Variants in SLC11A2 observed in about 807,000 individuals in gnomAD.
SLC11A2 encodes the protein natural resistance-associated macrophage protein 2.
Under a neutral mutation model 68.0 loss-of-function variants are expected in SLC11A2, and 38 were observed. The ratio of observed to expected loss-of-function variants is 0.56; its 90% CI spans 0.43 to 0.73. The LOEUF (loss-of-function observed/expected upper bound fraction) is 0.73. Among genes scored for constraint, SLC11A2 ranks in the 30% least tolerant of loss-of-function variants. The probability of loss-of-function intolerance (pLI) is 0.00; values close to 1 mark genes in which losing one functional copy is unlikely to be tolerated. For synonymous variants in SLC11A2, 242 were observed against 250.6 expected, an observed-to-expected ratio of 0.97 and a Z score of 0.32; for missense variants, 517 against 690.5, an observed-to-expected ratio of 0.75 and a Z score of 2.82.
At chr12:50,976,823 A>G (rs966193815), downstream of SLC11A2, among the ~76,000 whole-genome samples, 18 of 152,330 alleles carry the variant, frequency 1.2e-4, no homozygotes, top group African/African-American at 4.1e-4. Context: ...CAATGTGCAA[A>G]AATCACAAGC....
chr12:51,008,576 T>C lies in SLC11A2; in HGVS notation c.83A>G (p.Asn28Ser), dbSNP rs373755108. The change falls in exon 3 of 16, where the codon AAC (asparagine) becomes AGC (serine). Residue 28 changes from asparagine (N) to serine (S), a missense_variant. Transcript: ENST00000262052. ...AAGAGAGGGATTACTATAGGCAGGG[T>C]TGATGTTACCAAGACTGGCAGACTC... ...HGESASLGNI[N>S]PAYSNPSLSQ... 1.9e-6 allele frequency: 3 copies of C among 1,612,730 alleles called. No individual in the cohort carries two copies. In the Admixed American group the frequency reaches 5.0e-5, roughly 27 times the overall value.
chr12:50,993,191 TAAAAAAAA>T, intron 11 of SLC11A2: 1 of 213,648 alleles, frequency 4.7e-6, no homozygotes, highest in Non-Finnish European at 9.1e-6. Context: ...TCTTAAATAT[TAAAAAAAA>T]AAAAAAAAAA....
chr12:50,959,872 ACTC>A, the SLC11A2 span, among the ~76,000 whole-genome samples: 1 of 148,108 alleles, frequency 6.8e-6, no homozygotes, highest in Non-Finnish European at 1.5e-5. Context: ...CTGGTCTTGA[ACTC>A]CTGACCTCAA....
At chr12:50,990,062 T>C (rs1305105868) in intron 15 of SLC11A2, among the ~76,000 whole-genome samples, 1 of 152,210 alleles carries the variant, frequency 6.6e-6, no homozygotes, top group African/African-American at 2.4e-5. Context: ...AACAACTATA[T>C]TGCCATTTTT....
At position 50,987,798 on chromosome 12, in the gene SLC11A2, C is replaced by G; in HGVS notation, c.*527G>C. On this transcript the variant is annotated 3_prime_UTR_variant, in exon 16 of 16. Coordinates refer to ENST00000262052, the MANE Select transcript of SLC11A2 (RefSeq NM_000617.3). Reference sequence around the variant, plus strand: ...CTAAGCCTGATAGAGCTAGGTGTCTCTTCATTTTATATTTCATATGGATGA... The same window carrying G: ...CTAAGCCTGATAGAGCTAGGTGTCTGTTCATTTTATATTTCATATGGATGA... The G allele has an allele frequency of 7.9e-7, 1 of 1,271,428 alleles. No homozygotes were observed. Among genetic ancestry groups the G allele is most frequent in the South Asian group, 1.3e-5 (1 of 77,660 alleles). The allele number at this position is 1,271,428 out of a possible 1,614,324, so 78.8% of individuals were successfully genotyped here.
At chr12:50,981,510 T>G, downstream of SLC11A2, 1 of 469,690 alleles carries the variant, frequency 2.1e-6, no homozygotes, top group South Asian at 2.3e-5. Context: ...GCCAATCGTT[T>G]AACTCTGGGA....
chr12:50,959,364 C>G, the SLC11A2 span, among the ~76,000 whole-genome samples: 1 of 152,124 alleles, frequency 6.6e-6, no homozygotes, highest in Non-Finnish European at 1.5e-5. Flanking sequence ...AGGTGATCCA[C>G]CTGCATTGGC....
At chr12:50,958,448 AT>A in the SLC11A2 span, among the ~76,000 whole-genome samples, 27 of 150,742 alleles carry the variant, frequency 1.8e-4, no homozygotes, top group African/African-American at 6.3e-4. Context: ...CACCCGGCTA[AT>A]TTTTTGTATT....
the SLC11A2 span, among the ~76,000 whole-genome samples, chr12:50,952,800 G>A: frequency 6.6e-6 from 1 of 152,176 alleles, no homozygotes; most frequent in Non-Finnish European, 1.5e-5. Context: ...TGTTTCCGAA[G>A]GATGGCAAGA....
chr12:50,991,555 C>G (rs1284178629), intron 14 of SLC11A2, 44 bp downstream of exon 14: 1 of 1,488,814 alleles, frequency 6.7e-7, no homozygotes, highest in Non-Finnish European at 9.4e-7. Flanking sequence ...ATACCCTTTC[C>G]CCATATCAGC....
intron 1 of SLC11A2, among the ~76,000 whole-genome samples, chr12:51,019,277 TC>T (rs1304702440): frequency 2.6e-5 from 4 of 152,234 alleles, no homozygotes; most frequent in Admixed American, 6.5e-5. Context: ...ATTATATTTG[TC>T]CTAAAGAAAA....
the SLC11A2 span, among the ~76,000 whole-genome samples, chr12:50,968,623 C>A: frequency 6.6e-6 from 1 of 152,096 alleles, no homozygotes; most frequent in Non-Finnish European, 1.5e-5. Flanking sequence ...CTCACTGCAA[C>A]CTCCACCTCC....
At chr12:51,015,274 A>C (rs1943556739) in intron 1 of SLC11A2, among the ~76,000 whole-genome samples, 1 of 151,650 alleles carries the variant, frequency 6.6e-6, no homozygotes, top group Non-Finnish European at 1.5e-5. Context: ...TCGGGAGTTC[A>C]AGACAAGCCT....
At chr12:51,006,743 ACT>A (rs1942762400) in intron 3 of SLC11A2, among the ~76,000 whole-genome samples, 1 of 151,914 alleles carries the variant, frequency 6.6e-6, no homozygotes, top group Non-Finnish European at 1.5e-5. Flanking sequence ...TTAGAAAATA[ACT>A]CTTTCAACCA....
chr12:50,974,754 G>A (rs1205523439), downstream of SLC11A2, among the ~76,000 whole-genome samples: 1 of 152,138 alleles, frequency 6.6e-6, no homozygotes, highest in East Asian at 1.9e-4. Flanking sequence ...CATCTCATGT[G>A]CAGAGACACA....
rs73300051 is a variant in SLC11A2 at position 51,026,274 on chromosome 12, G to A, written c.-39+36C>T. 1.4e-3 allele frequency: 1,745 copies of A among 1,217,904 alleles called. 23 individuals carry two copies. The African/African-American group carries it at 0.023, about 16-fold the overall frequency. 75.4% of individuals were successfully genotyped at this position (1,217,904 alleles called of 1,614,324 possible). A position where few individuals can be genotyped will look rare whatever the true frequency, so the allele number is the denominator to read the frequency against. On this transcript the variant is annotated intron_variant, in intron 1 of 15. Transcript: ENST00000262052. ...CCCGCGCCCCTCCCTGCCAGCGAGC[G>A]GAATGCCGTGACCCCTGACCTTGCC... is the stretch of plus-strand genomic sequence containing the variant.
At chr12:50,971,799 C>T in the SLC11A2 span, among the ~76,000 whole-genome samples, 2 of 152,176 alleles carry the variant, frequency 1.3e-5, no homozygotes, top group Non-Finnish European at 2.9e-5. Flanking sequence ...TGGAGGTTTA[C>T]ACTGACAAGA....
chr12:51,020,514 T>C (rs955614092), intron 1 of SLC11A2, among the ~76,000 whole-genome samples: 1 of 152,154 alleles, frequency 6.6e-6, no homozygotes, highest in Non-Finnish European at 1.5e-5. Context: ...TAGAATGTCT[T>C]CAACCAAAAG....
chr12:50,997,480 T>C (rs372353819), intron 8 of SLC11A2, among the ~76,000 whole-genome samples: 8 of 151,956 alleles, frequency 5.3e-5, no homozygotes, highest in African/African-American at 1.9e-4. Context: ...GGCAGGCGCA[T>C]TGCTTGAGCC....
Sources: gnomAD v4.1 joint callset for allele counts (sites outside exome capture counted in the v4.1 genomes callset) on GRCh38, gnomAD v4.1.1 for gene constraint, MANE v1.5 for transcripts, NCBI Gene and HGNC (gene_info 2026-07-23, HGNC 2026-07-21) for gene names.